The following PENK variants were observed in gnomAD, a reference collection of about 807,000 sequenced individuals.
The protein encoded by PENK is proenkephalin-A.
Under a neutral mutation model 24.1 loss-of-function variants are expected in PENK, and 25 were observed. The ratio of observed to expected loss-of-function variants is 1.04; its 90% CI spans 0.76 to 1.45. The LOEUF is 1.45. Ranked by LOEUF, PENK falls within the 40% of genes most tolerant of loss-of-function variation. The pLI, the probability that PENK is intolerant of heterozygous loss-of-function variation, is 0.00. For missense variants in PENK, 353 were observed against 337.9 expected (o/e 1.04, Z -0.35); for synonymous variants, 135 against 130.3 (o/e 1.04, Z -0.24).
At chr8:56,445,987 C>T (rs1044790086) in intron 2 of PENK, 31 bp from the exon 3 acceptor site, 2 of 1,509,930 alleles carry the variant, frequency 1.3e-6, no homozygotes, top group Admixed American at 2.0e-5. Context: ...GTGCTTCGAG[C>T]CTGCCTGGGC....
chr8:56,443,257 T>C (rs1485200064), intron 3 of PENK, among the ~76,000 whole-genome samples: 2 of 152,198 alleles, frequency 1.3e-5, no homozygotes, highest in African/African-American at 4.8e-5. Context: ...AAAAACACCA[T>C]TAGAAGCTTA....
Position 56,441,144 on chromosome 8 carries a change from A to G in PENK, c.*128T>C, listed in dbSNP as rs1331949468. Reference sequence around the variant, plus strand: ...TGAAATGACAGTTTTCAGGTTGTATAGTTATCCAGACAATGAAGTCAACTA... The same window carrying G: ...TGAAATGACAGTTTTCAGGTTGTATGGTTATCCAGACAATGAAGTCAACTA... On this transcript the variant is annotated 3_prime_UTR_variant, in exon 4 of 4. Coordinates refer to ENST00000451791, the MANE Select transcript of PENK (RefSeq NM_001135690.3). 2 of 694,654 alleles carry G rather than the reference A, an allele frequency of 2.9e-6. No individual in the cohort carries two copies. Among genetic ancestry groups the G allele is most frequent in the Non-Finnish European group, 5.0e-6 (2 of 403,388 alleles). The allele number at this position is 694,654 out of a possible 1,614,324, so 43.0% of individuals were successfully genotyped here.
intron 3 of PENK, chr8:56,445,544 G>A (rs532041610): frequency 1.7e-6 from 1 of 603,714 alleles, no homozygotes; most frequent in South Asian, 1.9e-5. Flanking sequence ...CGAATTCCCA[G>A]GGTTAAAACA....
In PENK at chr8:56,441,358, C is replaced by T. The variant is rs1207915449; in HGVS notation, c.718G>A (p.Ala240Thr). The T allele has an allele frequency of 3.1e-6, 5 of 1,613,984 alleles. No individual in the cohort carries two copies. Among genetic ancestry groups the T allele is most frequent in the Non-Finnish European group, 4.2e-6 (5 of 1,179,974 alleles). Residue 240 changes from alanine (A) to threonine (T), a missense_variant, in exon 4 of 4, where the codon GCT becomes ACT. Coordinates refer to ENST00000451791, the MANE Select transcript of PENK (RefSeq NM_001135690.3). The stretch of plus-strand genomic sequence containing the variant: ...TCGCCTTCTTCGTCGGAGGGCAGAG[C>T]CTCGGCAAAGCGCTTCAGGAAACCT... ...YGGFLKRFAE[A>T]LPSDEEGESY...
At chr8:56,445,520 CTTCTCGGGG>C in intron 3 of PENK, 1 of 600,728 alleles carries the variant, frequency 1.7e-6, no homozygotes, top group South Asian at 2.0e-5. Flanking sequence ...GAACAGAGGA[CTTCTCGGGG>C]TTCCCGAATT....
At position 56,441,265 on chromosome 8, in the gene PENK, A is replaced by C. The variant is rs1274378843; in HGVS notation, c.*7T>G. 6.4e-7 allele frequency: 1 copy of C among 1,555,578 alleles called. No homozygotes were observed. The highest frequency in any genetic ancestry group is 8.7e-7 in the Non-Finnish European group (1 of 1,145,964). On this transcript the variant is annotated 3_prime_UTR_variant, in exon 4 of 4. Transcript: ENST00000451791. ...CTGGGGCCTGGGGCCACTAGTGGGA[A>C]AAGATATTAAAATCTCATAAATCCT...
At position 56,441,805 on chromosome 8, in the gene PENK, C is replaced by A; in HGVS notation, c.271G>T (p.Glu91Ter). ...TSTLRENSKP[E>*]ESHLLAKRYG... ...CTTTTGGCTAGCAAATGGCTTTCTT[C>A]CGGTTTGCTATTTTCTCTGAGGGTG... The change falls in exon 4 of 4, where the codon GAA becomes TAA. Residue 91 changes from glutamate to a stop codon, truncating the protein, a stop_gained. Coordinates refer to ENST00000451791, the MANE Select transcript of PENK (RefSeq NM_001135690.3). LOFTEE classifies it high-confidence loss of function. The A allele has an allele frequency of 6.2e-7, 1 of 1,614,142 alleles. No homozygotes were observed. Among genetic ancestry groups the A allele is most frequent in the South Asian group, 1.1e-5 (1 of 91,068 alleles).
Position 56,445,890 on chromosome 8 carries a change from C to G in PENK, c.64G>C (p.Val22Leu). Reference protein sequence around the residue: ...LLLGPGLLATVRAECSQDCAT... With the variant: ...LLLGPGLLATLRAECSQDCAT... ...CAATCCTGGCTGCATTCGGCCCGCACGGTCGCCAGGAGCCCGGGGCCGAGC... is the reference window on the plus strand; with the variant it reads ...CAATCCTGGCTGCATTCGGCCCGCAGGGTCGCCAGGAGCCCGGGGCCGAGC... Residue 22 changes from valine (V) to leucine (L), a missense_variant, in exon 3 of 4, where the codon GTG (valine) becomes CTG (leucine). Transcript: ENST00000451791. The G allele has an allele frequency of 6.2e-7, 1 of 1,612,894 alleles. No homozygotes were observed. The highest frequency in any genetic ancestry group is 8.5e-7 in the Non-Finnish European group (1 of 1,179,824).
intron 3 of PENK, among the ~76,000 whole-genome samples, chr8:56,444,503 G>A (rs1804617331): frequency 2.0e-5 from 3 of 152,178 alleles, no homozygotes; most frequent in Admixed American, 6.5e-5. Context: ...TTATCCACAA[G>A]ATCTATCCTT....
Position 56,445,842 on chromosome 8 carries a change from C to A in PENK, c.112G>T (p.Val38Leu). 4 of 1,613,412 alleles carry A rather than the reference C, an allele frequency of 2.5e-6. No homozygotes were observed. The highest frequency in any genetic ancestry group is 3.4e-6 in the Non-Finnish European group (4 of 1,179,918). ...QDCATCSYRL[V>L]RPADINFLAC... ...AGGAAGTTGATGTCGGCCGGGCGCACTAGGCGGTAGCTGCACGTCGCGCAA... is the reference window on the plus strand; with the variant it reads ...AGGAAGTTGATGTCGGCCGGGCGCAATAGGCGGTAGCTGCACGTCGCGCAA... The change falls in exon 3 of 4, where the codon GTG (valine) becomes TTG (leucine). Residue 38 changes from valine (V) to leucine (L), a missense_variant. Coordinates refer to ENST00000451791, the MANE Select transcript of PENK (RefSeq NM_001135690.3).
At chr8:56,444,787 T>G (rs1804623065) in intron 3 of PENK, among the ~76,000 whole-genome samples, 1 of 152,206 alleles carries the variant, frequency 6.6e-6, no homozygotes, top group Non-Finnish European at 1.5e-5. Flanking sequence ...AAGGTAAAAT[T>G]TCCTCAATTC....
At position 56,441,542 on chromosome 8, in the gene PENK, A is replaced by G. The variant is rs752506792; in HGVS notation, c.534T>C (p.Asn178=). 9 of 1,610,060 alleles carry G rather than the reference A, an allele frequency of 5.6e-6. No homozygotes were observed. The highest frequency in any genetic ancestry group is 6.8e-6 in the Non-Finnish European group (8 of 1,178,856). ...ERSHHQDGSD[N]EEEVSKRYGG... is the part of the protein sequence containing the mutation. ...CATATCTCTTGCTCACTTCTTCCTCATTATCACTGCCATCCTGGTGGTGGC... is the reference window on the plus strand; with the variant it reads ...CATATCTCTTGCTCACTTCTTCCTCGTTATCACTGCCATCCTGGTGGTGGC... The change falls in exon 4 of 4, where the codon AAT becomes AAC. Residue 178 remains asparagine, a synonymous_variant. Transcript: ENST00000451791.
chr8:56,446,059 A>G (rs1394885662), intron 2 of PENK, 103 bp from the exon 3 acceptor site: 2 of 1,319,268 alleles, frequency 1.5e-6, no homozygotes, highest in Non-Finnish European at 2.1e-6. Context: ...ATCGTCGAGC[A>G]AAAGCCCGCA....
In PENK at chr8:56,441,704, T is replaced by C. The variant is rs1804560391; in HGVS notation, c.372A>G (p.Glu124=). 1 of 1,613,754 alleles carries C rather than the reference T, an allele frequency of 6.2e-7. No homozygotes were observed. Among genetic ancestry groups the C allele is most frequent in the South Asian group, 1.1e-5 (1 of 91,040 alleles). Residue 124 remains glutamate, a synonymous_variant, in exon 4 of 4, where the codon GAA becomes GAG. Transcript: ENST00000451791. The stretch of plus-strand genomic sequence containing the variant: ...CGAGGATCTCACTTCCATTGGCCTC[T>C]TCTTCTGGCTCCATGGGATAAAGCT... ...MDELYPMEPE[E]EANGSEILAK... is the part of the protein sequence containing the mutation.
chr8:56,446,029 C>T (rs1158955657), intron 2 of PENK, 73 bp from the exon 3 acceptor site: 8 of 1,463,236 alleles, frequency 5.5e-6, no homozygotes, highest in Middle Eastern at 2.5e-4. Flanking sequence ...GGACCCTCGC[C>T]GCGACAGCCT....
intron 3 of PENK, 70 bp from the exon 4 acceptor site, chr8:56,442,007 G>A (rs1804569853): frequency 8.3e-7 from 1 of 1,199,864 alleles, no homozygotes; most frequent in East Asian, 2.3e-5. Context: ...GAACTTTTGT[G>A]GACCAAAATA....
intron 3 of PENK, among the ~76,000 whole-genome samples, chr8:56,443,236 G>A (rs1206726689): frequency 2.0e-5 from 3 of 152,232 alleles, no homozygotes; most frequent in African/African-American, 7.2e-5. Context: ...CCTGACATAT[G>A]ATGAACAAAT....
Position 56,441,487 on chromosome 8 carries a change from G to A in PENK, c.589C>T (p.Pro197Ser). The A allele has an allele frequency of 6.2e-7, 1 of 1,612,864 alleles. No individual in the cohort carries two copies. Among genetic ancestry groups the A allele is most frequent in the Non-Finnish European group, 8.5e-7 (1 of 1,179,804 alleles). The change falls in exon 4 of 4, where the codon CCC becomes TCC. Residue 197 changes from proline to serine, a missense_variant. Transcript: ENST00000451791. ...GGFMRGLKRS[P>S]QLEDEAKELQ... is the part of the protein sequence containing the mutation. ...TCTTTGGCTTCATCTTCCAGTTGGG[G>A]GCTTCTCTTTAAGCCTCTCATGAAG...
At chr8:56,444,558 C>G (rs951224577) in intron 3 of PENK, among the ~76,000 whole-genome samples, 1 of 152,202 alleles carries the variant, frequency 6.6e-6, no homozygotes, top group Non-Finnish European at 1.5e-5. Context: ...GTTAAAAGCT[C>G]ATGACTACAG....
Sources: gnomAD v4.1 joint callset for allele counts (sites outside exome capture counted in the v4.1 genomes callset) on GRCh38, gnomAD v4.1.1 for gene constraint, MANE v1.5 for transcripts, NCBI Gene and HGNC (gene_info 2026-07-23, HGNC 2026-07-21) for gene names.